CDC123: variants seen among roughly 807,000 people sequenced by gnomAD.
The protein encoded by CDC123 is translation initiation factor eIF2 assembly protein.
A neutral mutation model predicts 54.4 loss-of-function variants in CDC123; 37 were observed. That is an observed-to-expected ratio of 0.68 (90% CI 0.52 to 0.89). The LOEUF (loss-of-function observed/expected upper bound fraction) is 0.89, where lower values mean the gene tolerates loss of function less well. Ranked by LOEUF, CDC123 falls within the 40% of genes least tolerant of loss-of-function variation. The pLI is 0.00. For missense variants in CDC123, 361 were observed against 412.1 expected (o/e 0.88, Z 1.07); for synonymous variants, 144 against 136.8 (o/e 1.05, Z -0.37).
intron 2 of CDC123, among the ~76,000 whole-genome samples, chr10:12,202,848 C>A (rs1331217327): frequency 6.6e-6 from 1 of 152,158 alleles, no homozygotes; most frequent in African/African-American, 2.4e-5. Flanking sequence ...AACCACATCT[C>A]TACTAAAAAT....
intron 2 of CDC123, among the ~76,000 whole-genome samples, chr10:12,208,939 G>A (rs1408941728): frequency 6.6e-6 from 1 of 152,160 alleles, no homozygotes; most frequent in Non-Finnish European, 1.5e-5. Context: ...TCTGACACCA[G>A]CCCGCACACC....
Position 12,250,312 on chromosome 10 carries a change from A to G in CDC123, c.986A>G (p.Lys329Arg). Residue 329 changes from lysine (K) to arginine (R), a missense_variant and splice_region_variant, in exon 13 of 13, where the codon AAG (lysine) becomes AGG (arginine). By Grantham distance (26) the Lys-to-Arg change is conservative. Transcript: ENST00000281141. ...AHKLIDFLKL[K>R]RNQQEDD is the part of the protein sequence containing the mutation. The stretch of plus-strand genomic sequence containing the variant: ...CATCCCCTTGGTTTTCTTTGACAGA[A>G]GAGAAATCAGCAGGAGGACGACTGA... 6.3e-7 allele frequency: 1 copy of G among 1,586,428 alleles called. No individual in the cohort carries two copies. Among genetic ancestry groups the G allele is most frequent in the Non-Finnish European group, 8.6e-7 (1 of 1,160,008 alleles).
intron 8 of CDC123, among the ~76,000 whole-genome samples, chr10:12,236,213 T>G (rs1835974985): frequency 6.6e-6 from 1 of 152,208 alleles, no homozygotes; most frequent in Admixed American, 6.5e-5. Context: ...AGCAGTTGAT[T>G]ATGTGTGCAG....
chr10:12,229,835 G>T (rs1835873929), intron 6 of CDC123, among the ~76,000 whole-genome samples: 1 of 152,224 alleles, frequency 6.6e-6, no homozygotes, highest in African/African-American at 2.4e-5. Context: ...GGATCTATCT[G>T]AGTTTTAAAA....
chr10:12,214,881 G>C (rs190944730), intron 4 of CDC123, among the ~76,000 whole-genome samples: 15 of 152,164 alleles, frequency 9.9e-5, no homozygotes, highest in African/African-American at 3.1e-4. Flanking sequence ...CCTCTTTACA[G>C]GGTATAAATG....
rs780612348 is a variant in CDC123 at position 12,217,482 on chromosome 10, T to C, written c.440+15T>C. Reference sequence around the variant, plus strand: ...TTCACTCAGCCGTAAGTATCTCTTATTCTCTCATGTCAATAGTTTCAGTAT... The same window carrying C: ...TTCACTCAGCCGTAAGTATCTCTTACTCTCTCATGTCAATAGTTTCAGTAT... On this transcript the variant is annotated intron_variant, in intron 6 of 12. Transcript: ENST00000281141. The C allele has an allele frequency of 1.2e-5, 19 of 1,610,620 alleles. No homozygotes were observed. In the Admixed American group the frequency reaches 2.9e-4, roughly 24 times the overall value.
At chr10:12,210,102 T>A in intron 3 of CDC123, 78 bp downstream of exon 3, 1 of 1,516,766 alleles carries the variant, frequency 6.6e-7, no homozygotes, top group Non-Finnish European at 9.1e-7. Flanking sequence ...GACTTGTAGA[T>A]CTTATCTTAC....
At chr10:12,241,470 C>T (rs1588683445) in intron 10 of CDC123, among the ~76,000 whole-genome samples, 1 of 152,050 alleles carries the variant, frequency 6.6e-6, no homozygotes. Context: ...GCTTTTGTTC[C>T]TTTGCGTGTT....
chr10:12,238,808 T>A (rs1836014605), intron 10 of CDC123, among the ~76,000 whole-genome samples: 1 of 151,572 alleles, frequency 6.6e-6, no homozygotes, highest in Non-Finnish European at 1.5e-5. Context: ...TCACTTGAGG[T>A]CAGGAGTTCA....
At chr10:12,203,492 A>T (rs539246603) in intron 2 of CDC123, among the ~76,000 whole-genome samples, 2 of 152,262 alleles carry the variant, frequency 1.3e-5, no homozygotes, top group African/African-American at 2.4e-5. Context: ...CTGGAGTGAT[A>T]TGTAGAGGAT....
In CDC123 at chr10:12,199,712, C is replaced by T. The variant is rs567249717; in HGVS notation, c.146+936C>T. Among the ~76,000 whole-genome samples the T allele has an allele frequency of 8.5e-5, 13 of 152,264 alleles. 1 individual carries two copies. In the South Asian group the frequency reaches 2.7e-3, roughly 32 times the overall value. ...TTGGTATTCACAGAGCCTCAATAAC[C>T]TGAAAATTATTAATGTAGCGCCTCA... On this transcript the variant is annotated intron_variant, in intron 2 of 12. Coordinates refer to ENST00000281141, the MANE Select transcript of CDC123 (RefSeq NM_006023.3).
Position 12,217,493 on chromosome 10 carries a change from C to G in CDC123, c.440+26C>G, listed in dbSNP as rs917214785. 9.3e-6 allele frequency: 15 copies of G among 1,604,790 alleles called. No homozygotes were observed. In the African/African-American group the frequency reaches 1.9e-4, roughly 20 times the overall value. ...GTAAGTATCTCTTATTCTCTCATGT[C>G]AATAGTTTCAGTATTTGTGCAAATT... On this transcript the variant is annotated intron_variant, in intron 6 of 12. Transcript: ENST00000281141.
At chr10:12,221,743 AAATTT>A (rs1411852847) in intron 6 of CDC123, among the ~76,000 whole-genome samples, 11 of 149,118 alleles carry the variant, frequency 7.4e-5, no homozygotes, top group Admixed American at 3.3e-4. Context: ...TTCATTTATT[AAATTT>A]ATTTTTTAAA....
intron 5 of CDC123, among the ~76,000 whole-genome samples, chr10:12,217,092 T>C (rs965432476): frequency 2.0e-5 from 3 of 152,184 alleles, no homozygotes; most frequent in African/African-American, 7.2e-5. Flanking sequence ...TCTTCTATTA[T>C]CAGTAAGAAA....
At position 12,247,402 on chromosome 10, in the gene CDC123, TCCTC is replaced by T. The variant is rs369590024; in HGVS notation, c.846+1126_846+1129del. 2.5e-4 allele frequency: 27 copies of T among 107,832 alleles called. No homozygotes were observed. In the South Asian group the frequency reaches 8.3e-3, roughly 33 times the overall value. 6.7% of individuals were successfully genotyped at this position (107,832 alleles called of 1,614,324 possible). A position where few individuals can be genotyped will look rare whatever the true frequency, so the allele number is the denominator to read the frequency against. ...ACCTCCCACTCTGGACACTGTGTCC[TCCTC>T]TCTCACCTCCCACTCCGGACACTGT... is the stretch of plus-strand genomic sequence containing the variant. On this transcript the variant is annotated intron_variant, in intron 11 of 12. Coordinates refer to ENST00000281141, the MANE Select transcript of CDC123 (RefSeq NM_006023.3).
chr10:12,201,227 C>T lies in CDC123; in HGVS notation c.146+2451C>T, dbSNP rs531650056. Among the ~76,000 whole-genome samples the T allele has an allele frequency of 9.2e-5, 14 of 152,284 alleles. No individual in the cohort carries two copies. In the South Asian group the frequency reaches 2.9e-3, roughly 32 times the overall value. On this transcript the variant is annotated intron_variant, in intron 2 of 12. Transcript: ENST00000281141. ...ACAAAGTGATAATACATAAAATGTT[C>T]AGTCTAATGCCCACTATATTGTATG...
At chr10:12,244,141 A>G (rs1162379239) in intron 10 of CDC123, among the ~76,000 whole-genome samples, 2 of 152,198 alleles carry the variant, frequency 1.3e-5, no homozygotes, top group African/African-American at 4.8e-5. Context: ...AGCAAGTCCT[A>G]ATTAGATGTT....
At position 12,233,311 on chromosome 10, in the gene CDC123, ACACACT is replaced by A. The variant is rs1275143021; in HGVS notation, c.490-1735_490-1730del. On this transcript the variant is annotated intron_variant, in intron 7 of 12. Coordinates refer to ENST00000281141, the MANE Select transcript of CDC123 (RefSeq NM_006023.3). ...CACACACACACACACACACACACAC[ACACACT>A]CTCTGTCTCTTTATAGATACTTACA... Among the ~76,000 whole-genome samples, 18 of 150,080 alleles carry A rather than the reference ACACACT, an allele frequency of 1.2e-4. No individual in the cohort carries two copies. In the South Asian group the frequency reaches 2.7e-3, roughly 23 times the overall value.
At chr10:12,240,512 C>T (rs769726725) in intron 10 of CDC123, among the ~76,000 whole-genome samples, 2 of 152,200 alleles carry the variant, frequency 1.3e-5, no homozygotes, top group Non-Finnish European at 2.9e-5. Flanking sequence ...ACTCTTACGT[C>T]AAAAGACATC....
Sources: gnomAD v4.1 joint callset for allele counts (sites outside exome capture counted in the v4.1 genomes callset) on GRCh38, gnomAD v4.1.1 for gene constraint, MANE v1.5 for transcripts, NCBI Gene and HGNC (gene_info 2026-07-23, HGNC 2026-07-21) for gene names.